The following ADAMTS19 variants were observed in gnomAD, a reference collection of about 807,000 sequenced individuals.
ADAMTS19 encodes the protein ADAM metallopeptidase with thrombospondin type 1 motif 19.
Under a neutral mutation model 153.3 loss-of-function variants are expected in ADAMTS19, and 93 were observed. That is an observed-to-expected ratio of 0.61 (90% CI 0.51 to 0.72). The LOEUF (loss-of-function observed/expected upper bound fraction) is 0.72, where lower values mean the gene tolerates loss of function less well. Among genes scored for constraint, ADAMTS19 ranks in the 30% least tolerant of loss-of-function variants. The pLI, the probability that ADAMTS19 is intolerant of heterozygous loss-of-function variation, is 0.00. For synonymous variants in ADAMTS19, 600 were observed against 556.6 expected (o/e 1.08, Z -1.10); for missense variants, 1,482 against 1,552.1 (o/e 0.95, Z 0.76).
intron 8 of ADAMTS19, among the ~76,000 whole-genome samples, chr5:129,613,889 C>T (rs544743154): frequency 1.3e-5 from 2 of 152,256 alleles, no homozygotes; most frequent in South Asian, 4.1e-4. Flanking sequence ...AAACTACCAT[C>T]AGAGAATACT....
At chr5:129,465,323 T>C (rs925477383) in intron 2 of ADAMTS19, among the ~76,000 whole-genome samples, 4 of 151,636 alleles carry the variant, frequency 2.6e-5, no homozygotes, top group South Asian at 2.1e-4. Context: ...TTTTTTTTTT[T>C]CTAAAAACAT....
Position 129,465,546 on chromosome 5 carries a change from G to T in ADAMTS19, c.747+3789G>T, listed in dbSNP as rs1749827394. ...TTTGATACAGAATCTGGAGCCTTTT[G>T]TAAATTCAATTATTTTTTATCTTAT... On this transcript the variant is annotated intron_variant, in intron 2 of 22. Coordinates refer to ENST00000274487, the MANE Select transcript of ADAMTS19 (RefSeq NM_133638.6). 2.0e-5 allele frequency among the ~76,000 whole-genome samples: 3 copies of T among 151,988 alleles called. No homozygotes were observed. In the East Asian group the frequency reaches 5.8e-4, roughly 29 times the overall value.
intron 15 of ADAMTS19, 128 bp downstream of exon 15, chr5:129,658,865 T>A (rs1460967549): frequency 1.9e-6 from 2 of 1,057,546 alleles, no homozygotes; most frequent in Non-Finnish European, 2.6e-6. Flanking sequence ...ATTAAATTAT[T>A]TTTGTGATGA....
At chr5:129,476,706 G>A (rs1037289674) in intron 2 of ADAMTS19, among the ~76,000 whole-genome samples, 4 of 152,130 alleles carry the variant, frequency 2.6e-5, no homozygotes, top group Admixed American at 6.5e-5. Flanking sequence ...TTGAGTAAAT[G>A]TTAGGGAAAT....
chr5:129,590,811 A>G (rs1417065533), intron 7 of ADAMTS19, among the ~76,000 whole-genome samples: 1 of 152,156 alleles, frequency 6.6e-6, no homozygotes, highest in Non-Finnish European at 1.5e-5. Flanking sequence ...TACCATTCTT[A>G]TATCATTCCA....
At chr5:129,631,160 GT>G (rs35770896) in intron 10 of ADAMTS19, among the ~76,000 whole-genome samples, 12,765 of 127,550 alleles carry the variant, frequency 0.1, 585 homozygotes, top group Middle Eastern at 0.2. Context: ...AAAATTTTAG[GT>G]TTTTTTTTTT....
chr5:129,513,812 T>C (rs1581025326), intron 3 of ADAMTS19, among the ~76,000 whole-genome samples: 1 of 152,230 alleles, frequency 6.6e-6, no homozygotes, highest in East Asian at 1.9e-4. Flanking sequence ...ATTTAAGTTA[T>C]TTAAAAATAT....
chr5:129,548,071 C>A (rs995357563), intron 6 of ADAMTS19, among the ~76,000 whole-genome samples: 1 of 150,634 alleles, frequency 6.6e-6, no homozygotes, highest in Non-Finnish European at 1.5e-5. Context: ...CCATAAAAAA[C>A]CTAGAAGAAA....
At chr5:129,511,006 TCAGA>T (rs1751424301) in intron 3 of ADAMTS19, among the ~76,000 whole-genome samples, 1 of 151,732 alleles carries the variant, frequency 6.6e-6, no homozygotes. Flanking sequence ...TTTTGAGGGC[TCAGA>T]ATTTTAAAAA....
chr5:129,654,279 ATTTCTT>A lies in ADAMTS19; in HGVS notation c.2177-23_2177-18del, dbSNP rs754061647. 3 of 1,553,132 alleles carry A rather than the reference ATTTCTT, an allele frequency of 1.9e-6. No homozygotes were observed. The East Asian group carries it at 6.8e-5, about 35-fold the overall frequency. Reference sequence around the variant, plus strand: ...AATATTTATGGGGTAACTTTTTCTCATTTCTTTTTATCTACTCTGTATGTAGAAAAA... The same window carrying A: ...AATATTTATGGGGTAACTTTTTCTCATTTATCTACTCTGTATGTAGAAAAA... On this transcript the variant is annotated intron_variant, in intron 13 of 22. Transcript: ENST00000274487.
At chr5:129,511,710 G>A (rs985499639) in intron 3 of ADAMTS19, among the ~76,000 whole-genome samples, 3 of 151,252 alleles carry the variant, frequency 2.0e-5, no homozygotes, top group African/African-American at 7.3e-5. Context: ...AGGGAACAGA[G>A]TCCAGGTTGA....
chr5:129,549,749 C>A (rs543243036), intron 6 of ADAMTS19, among the ~76,000 whole-genome samples: 1 of 150,510 alleles, frequency 6.6e-6, no homozygotes, highest in Non-Finnish European at 1.5e-5. Flanking sequence ...ATTAAATATA[C>A]ATTTCTAATA....
At chr5:129,627,971 A>C (rs1752127992) in intron 10 of ADAMTS19, among the ~76,000 whole-genome samples, 1 of 152,110 alleles carries the variant, frequency 6.6e-6, no homozygotes, top group Admixed American at 6.6e-5. Context: ...AAAGCAATAT[A>C]AATCATTCTA....
At chr5:129,640,966 G>A (rs1271008662) in intron 10 of ADAMTS19, among the ~76,000 whole-genome samples, 1 of 151,930 alleles carries the variant, frequency 6.6e-6, no homozygotes, top group African/African-American at 2.4e-5. Flanking sequence ...CTGGGATTAT[G>A]GGTGTGCACC....
At chr5:129,648,730 TTTTAA>T (rs1753179080) in intron 12 of ADAMTS19, 63 bp from the exon 13 acceptor site, 1 of 1,338,988 alleles carries the variant, frequency 7.5e-7, no homozygotes, top group Non-Finnish European at 1.0e-6. Flanking sequence ...ATATAATGGC[TTTTAA>T]TTTAAAACCT....
chr5:129,655,940 T>C (rs2127059510), intron 14 of ADAMTS19, among the ~76,000 whole-genome samples: 1 of 152,354 alleles, frequency 6.6e-6, no homozygotes, highest in Non-Finnish European at 1.5e-5. Flanking sequence ...TTAAAAATTA[T>C]AGATATTTTA....
chr5:129,606,272 A>G (rs1750888098), intron 8 of ADAMTS19, among the ~76,000 whole-genome samples: 1 of 152,182 alleles, frequency 6.6e-6, no homozygotes, highest in Non-Finnish European at 1.5e-5. Flanking sequence ...GATAGAATAG[A>G]GGGGAGGGCC....
intron 8 of ADAMTS19, among the ~76,000 whole-genome samples, chr5:129,599,407 C>T (rs1750535416): frequency 6.6e-6 from 1 of 151,990 alleles, no homozygotes; most frequent in African/African-American, 2.4e-5. Flanking sequence ...GATTTTTGCT[C>T]TTGAGCTATG....
At chr5:129,589,261 T>C (rs191613547) in intron 7 of ADAMTS19, among the ~76,000 whole-genome samples, 1 of 152,064 alleles carries the variant, frequency 6.6e-6, no homozygotes, top group African/African-American at 2.4e-5. Flanking sequence ...GCCAGTTTTC[T>C]TGTATTTGCC....
Sources: allele counts gnomAD v4.1 joint callset (sites outside exome capture counted in the v4.1 genomes callset), GRCh38; gene constraint gnomAD v4.1.1; transcripts MANE v1.5; gene names NCBI Gene and HGNC (gene_info 2026-07-23, HGNC 2026-07-21).